Variants in MEAK7 observed in about 807,000 individuals in gnomAD.
The protein encoded by MEAK7 is MTOR-associated protein MEAK7.
In MEAK7, 68 loss-of-function variants were observed where a neutral mutation model predicts 40.5. The observed-to-expected ratio is 1.68, with a 90% confidence interval of 1.38 to 2.06. MEAK7 has a LOEUF of 2.06. Ranked by LOEUF, MEAK7 falls within the 30% of genes most tolerant of loss-of-function variation. The pLI, the probability that MEAK7 is intolerant of heterozygous loss-of-function variation, is 0.00. For synonymous variants in MEAK7, 338 were observed against 231.9 expected, an observed-to-expected ratio of 1.46 and a Z score of -4.16; for missense variants, 918 against 580.5, an observed-to-expected ratio of 1.58 and a Z score of -5.98.
chr16:84,486,377 A>T (rs895711467), intron 5 of MEAK7: 1 of 1,185,148 alleles, frequency 8.4e-7, no homozygotes, highest in Non-Finnish European at 1.1e-6. Context: ...CCCACGCCCC[A>T]TAGACCCGGC....
intron 3 of MEAK7, among the ~76,000 whole-genome samples, 170 bp from the exon 4 acceptor site, chr16:84,489,592 C>A (rs1470149366): frequency 6.6e-6 from 1 of 152,200 alleles, no homozygotes; most frequent in Non-Finnish European, 1.5e-5. Flanking sequence ...ATGCACTTGG[C>A]TGGCCTAGAA....
At chr16:84,497,304 CG>C (rs1005689437) in intron 2 of MEAK7, 15 of 799,792 alleles carry the variant, frequency 1.9e-5, no homozygotes, top group African/African-American at 1.8e-4. Context: ...CCCCATGGAA[CG>C]GGGAAAAACA....
At chr16:84,497,430 G>C (rs1363849019) in intron 2 of MEAK7, 1 of 1,288,724 alleles carries the variant, frequency 7.8e-7, no homozygotes. Context: ...CATTCTAGAG[G>C]CAACGGTGCA....
intron 2 of MEAK7, chr16:84,497,505 C>T: frequency 7.7e-7 from 1 of 1,290,452 alleles, no homozygotes; most frequent in Non-Finnish European, 1.0e-6. Flanking sequence ...GCGTCTGTCT[C>T]CCCATCTCTG....
chr16:84,488,555 C>T (rs1913292521), intron 4 of MEAK7: 1 of 152,014 alleles, frequency 6.6e-6, no homozygotes, highest in African/African-American at 2.4e-5. Flanking sequence ...AATGATGCAT[C>T]AACAAATTTT....
intron 4 of MEAK7, among the ~76,000 whole-genome samples, chr16:84,488,675 C>T (rs1567494950): frequency 1.3e-5 from 2 of 152,106 alleles, no homozygotes; most frequent in East Asian, 1.9e-4. Context: ...AATTAAATAA[C>T]ACACTGTTAC....
chr16:84,494,189 A>C (rs906400241), intron 3 of MEAK7, among the ~76,000 whole-genome samples: 6 of 152,346 alleles, frequency 3.9e-5, no homozygotes, highest in African/African-American at 1.4e-4. Context: ...TAATCAAGCT[A>C]AGTATAATTA....
rs578051365 is a variant in MEAK7, at chr16:84,504,646, G to T, written c.-71C>A. 2.0e-6 allele frequency: 2 copies of T among 985,484 alleles called. No homozygotes were observed. Among genetic ancestry groups the T allele is most frequent in the African/African-American group, 1.7e-5 (1 of 57,258 alleles). 61.0% of individuals were successfully genotyped at this position (985,484 alleles called of 1,614,324 possible). A position where few individuals can be genotyped will look rare whatever the true frequency, so the allele number is the denominator to read the frequency against. On this transcript the variant is annotated 5_prime_UTR_variant, in exon 1 of 8. Transcript: ENST00000343629. Reference sequence around the variant, plus strand: ...TGTCCGGTCCGGTCCAGCAGCCCACGGGCTCCTCTCGAGAGCCGCCCCTTC... The same window carrying T: ...TGTCCGGTCCGGTCCAGCAGCCCACTGGCTCCTCTCGAGAGCCGCCCCTTC...
At position 84,489,330 on chromosome 16, in the gene MEAK7, G is replaced by A; in HGVS notation, c.477C>T (p.Asn159=). The A allele has an allele frequency of 1.2e-6, 2 of 1,614,176 alleles. No individual in the cohort carries two copies. Among genetic ancestry groups the A allele is most frequent in the Non-Finnish European group, 1.7e-6 (2 of 1,180,028 alleles). The change falls in exon 4 of 8, where the codon AAC becomes AAT. Residue 159 remains asparagine (N), a synonymous_variant. Transcript: ENST00000343629. The part of the protein sequence containing the change: ...GWTGKEAPGP[N]PRVQVLAAQL... ...GAGCAGCCAGCACCTGCACCCGGGG[G>A]TTGGGCCCTGGGGCTTCCTTCCCAG...
intron 4 of MEAK7, 183 bp from the exon 5 acceptor site, chr16:84,487,242 G>A: frequency 5.8e-6 from 3 of 519,486 alleles, no homozygotes; most frequent in Non-Finnish European, 9.9e-6. Context: ...CAAAGATTTG[G>A]TATGAAAAAA....
intron 1 of MEAK7, among the ~76,000 whole-genome samples, chr16:84,499,319 A>C (rs1212513269): frequency 6.6e-6 from 1 of 152,186 alleles, no homozygotes; most frequent in Non-Finnish European, 1.5e-5. Flanking sequence ...AGTGTCAATG[A>C]GACTGCTGGA....
chr16:84,486,400 C>G, intron 5 of MEAK7: 1 of 1,318,528 alleles, frequency 7.6e-7, no homozygotes, highest in Non-Finnish European at 9.7e-7. Flanking sequence ...CGTGTAATAA[C>G]TGGGCCCGTG....
intron 2 of MEAK7, among the ~76,000 whole-genome samples, chr16:84,496,269 A>G (rs1279261255): frequency 6.6e-6 from 1 of 152,194 alleles, no homozygotes; most frequent in Non-Finnish European, 1.5e-5. Flanking sequence ...TGGGAGGGCC[A>G]GCTTTTTCAT....
At chr16:84,499,282 C>G (rs1375941409) in intron 1 of MEAK7, among the ~76,000 whole-genome samples, 1 of 152,200 alleles carries the variant, frequency 6.6e-6, no homozygotes, top group East Asian at 1.9e-4. Context: ...CTGTTAATTC[C>G]TGGCCCTGGA....
chr16:84,497,462 G>A, intron 2 of MEAK7: 1 of 1,289,864 alleles, frequency 7.8e-7, no homozygotes, highest in African/African-American at 1.5e-5. Context: ...ATGGTTCCTG[G>A]ACCGACGAGT....
chr16:84,492,469 G>T (rs888162706), intron 3 of MEAK7, among the ~76,000 whole-genome samples: 1 of 151,774 alleles, frequency 6.6e-6, no homozygotes, highest in African/African-American at 2.4e-5. Context: ...AAAAAATAAA[G>T]GTTTTTACCC....
intron 6 of MEAK7, among the ~76,000 whole-genome samples, chr16:84,480,912 T>C (rs1912479384): frequency 6.6e-6 from 1 of 152,186 alleles, no homozygotes; most frequent in African/African-American, 2.4e-5. Flanking sequence ...ACTAGAACAG[T>C]CATCTATGTC....
At chr16:84,487,289 A>G (rs1295943550) in intron 4 of MEAK7, 2 of 519,048 alleles carry the variant, frequency 3.9e-6, no homozygotes, top group South Asian at 2.9e-5. Context: ...TATTCATTAC[A>G]TTTCAAAATT....
intron 1 of MEAK7, chr16:84,504,218 AC>A (rs1222594112): frequency 2.3e-5 from 22 of 938,994 alleles, no homozygotes; most frequent in Non-Finnish European, 2.8e-5. Context: ...TTCAGTGTCT[AC>A]CCCAGACTCG....
Sources: gnomAD v4.1 joint callset for allele counts (sites outside exome capture counted in the v4.1 genomes callset) on GRCh38, gnomAD v4.1.1 for gene constraint, MANE v1.5 for transcripts, NCBI Gene and HGNC (gene_info 2026-07-23, HGNC 2026-07-21) for gene names.